Variants in PHF2 observed in about 807,000 individuals in gnomAD.
PHF2 encodes lysine-specific demethylase PHF2.
A neutral mutation model predicts 120.5 loss-of-function variants in PHF2; 27 were observed. The ratio of observed to expected loss-of-function variants is 0.22; its 90% CI spans 0.17 to 0.31. PHF2 has a LOEUF of 0.31. PHF2 is among the 10% of genes least tolerant of loss of function. PHF2 has a pLI of 1.00. For missense variants in PHF2, 1,024 were observed against 1,434.8 expected (o/e 0.71, Z 4.63); for synonymous variants, 568 against 592.5 (o/e 0.96, Z 0.60).
At chr9:93,634,980 T>G (rs1826066063) in intron 2 of PHF2, among the ~76,000 whole-genome samples, 1 of 152,162 alleles carries the variant, frequency 6.6e-6, no homozygotes, top group African/African-American at 2.4e-5. Context: ...CTTTCTCTAG[T>G]AAAGACGAGG....
At position 93,649,088 on chromosome 9, in the gene PHF2, G is replaced by A. The variant is rs1490042989; in HGVS notation, c.478G>A (p.Asp160Asn). The A allele has an allele frequency of 1.3e-6, 2 of 1,551,214 alleles. No homozygotes were observed. Among genetic ancestry groups the A allele is most frequent in the Non-Finnish European group, 1.7e-6 (2 of 1,146,962 alleles). The part of the protein sequence containing the change: ...ENYVGPERSV[D>N]VTDVTKQKDC... ...CTCCCTAGGGCCGGAACGGAGTGTG[G>A]ATGTGACAGATGTCACCAAGCAGAA... is the stretch of plus-strand genomic sequence containing the variant. Residue 160 changes from aspartate to asparagine, a missense_variant, in exon 5 of 22, where the codon GAT becomes AAT. Physicochemically the swap from Asp to Asn is conservative, Grantham distance 23. Coordinates refer to ENST00000359246, the MANE Select transcript of PHF2 (RefSeq NM_005392.4).
intron 10 of PHF2, 64 bp from the exon 11 acceptor site, chr9:93,659,447 T>G (rs925987965): frequency 8.2e-6 from 11 of 1,348,958 alleles, no homozygotes; most frequent in Non-Finnish European, 1.2e-5. Context: ...CCTGCAAGAA[T>G]GCAGGGGTAA....
intron 1 of PHF2, among the ~76,000 whole-genome samples, chr9:93,604,518 G>C (rs1483058215): frequency 6.6e-6 from 1 of 150,624 alleles, no homozygotes; most frequent in Non-Finnish European, 1.5e-5. Context: ...AGGCTGGAGT[G>C]CAGTGGCGCG....
chr9:93,635,991 G>A (rs764866724), intron 2 of PHF2, among the ~76,000 whole-genome samples: 1 of 152,112 alleles, frequency 6.6e-6, no homozygotes, highest in East Asian at 1.9e-4. Flanking sequence ...GTGGCAGTTG[G>A]GGTGATGGAG....
chr9:93,624,772 G>A (rs1825883415), intron 1 of PHF2, among the ~76,000 whole-genome samples: 2 of 151,704 alleles, frequency 1.3e-5, no homozygotes, highest in South Asian at 4.2e-4. Flanking sequence ...TGGTTGAGGT[G>A]ATGATGATAA....
chr9:93,619,523 TCA>T (rs1276740825), intron 1 of PHF2, among the ~76,000 whole-genome samples: 1 of 152,148 alleles, frequency 6.6e-6, no homozygotes, highest in Non-Finnish European at 1.5e-5. Context: ...AGGCTGGTGC[TCA>T]GATGGCCCCC....
rs575152587 is a variant in PHF2, at chr9:93,613,076, T to C, written c.99-16894T>C. Among the ~76,000 whole-genome samples the C allele has an allele frequency of 2.0e-5, 3 of 152,362 alleles. No individual in the cohort carries two copies. The South Asian group carries it at 6.2e-4, about 32-fold the overall frequency. Reference sequence around the variant, plus strand: ...CTGTCTGGGGCTATTGAGATGTGCCTGGCAAAGCACTTTGTCTGAGAGCTG... The same window carrying C: ...CTGTCTGGGGCTATTGAGATGTGCCCGGCAAAGCACTTTGTCTGAGAGCTG... On this transcript the variant is annotated intron_variant, in intron 1 of 21. Transcript: ENST00000359246.
intron 13 of PHF2, 51 bp from the exon 14 acceptor site, chr9:93,663,466 A>G: frequency 8.9e-7 from 1 of 1,127,614 alleles, no homozygotes; most frequent in East Asian, 2.4e-5. Context: ...TGGGGTCCTG[A>G]CCCCCCACTT....
chr9:93,577,536 G>T (rs988039974), intron 1 of PHF2, among the ~76,000 whole-genome samples: 1 of 152,170 alleles, frequency 6.6e-6, no homozygotes, highest in African/African-American at 2.4e-5. Context: ...AGGCCTGCAG[G>T]TCCGCGGGCA....
rs916618613 is a variant in PHF2 at position 93,679,240 on chromosome 9, T to C, written c.*1564T>C. ...GGTGGAGGCCTTATCCACTCCCACT[T>C]GTCCTGTTTGGAGGGACGCAGTCCC... On this transcript the variant is annotated 3_prime_UTR_variant, in exon 22 of 22. Coordinates refer to ENST00000359246, the MANE Select transcript of PHF2 (RefSeq NM_005392.4). 90 of 456,126 alleles carry C rather than the reference T, an allele frequency of 2.0e-4. No individual in the cohort carries two copies. The Admixed American group carries it at 2.1e-3, about 10-fold the overall frequency. The allele number at this position is 456,126 out of a possible 1,614,324, so 28.3% of individuals were successfully genotyped here. A position where few individuals can be genotyped will look rare whatever the true frequency, so the allele number is the denominator to read the frequency against.
chr9:93,676,576 T>G lies in PHF2; in HGVS notation c.2833-18T>G, dbSNP rs1395941626. ...GTGGGCTGTGCGTCTGAGGCTGCCC[T>G]GCATGTTTTGTTCAAAGGAGGAGCA... On this transcript the variant is annotated intron_variant, in intron 20 of 21. Coordinates refer to ENST00000359246, the MANE Select transcript of PHF2 (RefSeq NM_005392.4). The G allele has an allele frequency of 6.3e-7, 1 of 1,575,622 alleles. No homozygotes were observed. The highest frequency in any genetic ancestry group is 8.7e-7 in the Non-Finnish European group (1 of 1,155,942).
In PHF2 at chr9:93,676,562, G is replaced by T. The variant is rs372090956; in HGVS notation, c.2833-32G>T. 4 of 1,562,346 alleles carry T rather than the reference G, an allele frequency of 2.6e-6. No homozygotes were observed. The East Asian group carries it at 9.0e-5, about 35-fold the overall frequency. On this transcript the variant is annotated intron_variant, in intron 20 of 21. Coordinates refer to ENST00000359246, the MANE Select transcript of PHF2 (RefSeq NM_005392.4). ...CTCTGTTGGCCCAAGTGGGCTGTGC[G>T]TCTGAGGCTGCCCTGCATGTTTTGT...
chr9:93,617,406 C>T (rs898033435), intron 1 of PHF2, among the ~76,000 whole-genome samples: 1 of 152,168 alleles, frequency 6.6e-6, no homozygotes, highest in Non-Finnish European at 1.5e-5. Flanking sequence ...GCTGCCCTTG[C>T]CTGAGGATCT....
chr9:93,676,093 C>A (rs1826905771), intron 20 of PHF2, among the ~76,000 whole-genome samples: 1 of 152,008 alleles, frequency 6.6e-6, no homozygotes, highest in Admixed American at 6.5e-5. Context: ...CCCTTCCCCT[C>A]CCCCCATCAT....
intron 11 of PHF2, 71 bp from the exon 12 acceptor site, chr9:93,660,121 C>T: frequency 1.4e-6 from 2 of 1,454,796 alleles, no homozygotes; most frequent in East Asian, 2.5e-5. Flanking sequence ...CTCCAGCATC[C>T]TGGTGTGTGG....
At position 93,656,914 on chromosome 9, in the gene PHF2, A is replaced by G. The variant is rs1433221875; in HGVS notation, c.1147+319A>G. On this transcript the variant is annotated intron_variant, in intron 9 of 21. Coordinates refer to ENST00000359246, the MANE Select transcript of PHF2 (RefSeq NM_005392.4). The surrounding 1 kb of genome is among the most constrained non-coding windows in gnomAD (Gnocchi z 4.1). Reference sequence around the variant, plus strand: ...TGCTCCACCCTCCACACTTGCCTCCATTGGGAGGGTGGAGCCCTGGCTCTG... The same window carrying G: ...TGCTCCACCCTCCACACTTGCCTCCGTTGGGAGGGTGGAGCCCTGGCTCTG... 6.6e-6 allele frequency among the ~76,000 whole-genome samples: 1 copy of G among 152,052 alleles called. No individual in the cohort carries two copies. The highest frequency in any genetic ancestry group is 1.5e-5 in the Non-Finnish European group (1 of 68,002).
At chr9:93,652,731 G>A (rs947170482) in intron 5 of PHF2, among the ~76,000 whole-genome samples, 7 of 152,222 alleles carry the variant, frequency 4.6e-5, no homozygotes, top group African/African-American at 1.4e-4. Context: ...GTGGCCAGGG[G>A]TCGTGGGCAC....
intron 17 of PHF2, 122 bp downstream of exon 17, chr9:93,667,362 C>A: frequency 8.7e-7 from 1 of 1,155,654 alleles, no homozygotes; most frequent in Non-Finnish European, 1.2e-6. Flanking sequence ...CTGAGCCGCC[C>A]CTGGGCCTGG....
chr9:93,613,208 A>G (rs1825666522), intron 1 of PHF2, among the ~76,000 whole-genome samples: 1 of 152,192 alleles, frequency 6.6e-6, no homozygotes, highest in Non-Finnish European at 1.5e-5. Flanking sequence ...TTGAGCAAAT[A>G]TATTCTAGAA....
Sources: allele counts gnomAD v4.1 joint callset (sites outside exome capture counted in the v4.1 genomes callset), GRCh38; gene constraint gnomAD v4.1.1; non-coding constraint Gnocchi (gnomAD v3.1); transcripts MANE v1.5; gene names NCBI Gene and HGNC (gene_info 2026-07-23, HGNC 2026-07-21).